Variants in CD6 observed in about 807,000 individuals in gnomAD.
The protein encoded by CD6 is CD6 molecule.
Under a neutral mutation model 75.3 loss-of-function variants are expected in CD6, and 53 were observed. That is an observed-to-expected ratio of 0.70 (90% CI 0.56 to 0.88). The LOEUF is 0.88. Among genes scored for constraint, CD6 ranks in the 40% least tolerant of loss-of-function variants. The probability of loss-of-function intolerance (pLI) is 0.00; values close to 1 mark genes in which losing one functional copy is unlikely to be tolerated. For missense variants in CD6, 770 were observed against 897.1 expected, an observed-to-expected ratio of 0.86 and a Z score of 1.81; for synonymous variants, 359 against 381.5, an observed-to-expected ratio of 0.94 and a Z score of 0.69.
chr11:60,982,964 G>T lies in CD6; in HGVS notation c.49+11050G>T, dbSNP rs111496204. 9.9e-3 allele frequency among the ~76,000 whole-genome samples: 1,499 copies of T among 151,994 alleles called. 29 individuals carry two copies. The highest frequency in any genetic ancestry group is 0.034 in the African/African-American group (1,419 of 41,442). On this transcript the variant is annotated intron_variant, in intron 1 of 12. Transcript: ENST00000313421. ...ATGCGGGGGACTGCTATGGCCCAGT[G>T]TGGCCTGACATGGTCTGACATGAAC...
rs1590717925 is a variant in CD6 at position 61,009,692 on chromosome 11, T to C, written c.902T>C (p.Val301Ala). 1 of 1,613,932 alleles carries C rather than the reference T, an allele frequency of 6.2e-7. No individual in the cohort carries two copies. Among genetic ancestry groups the C allele is most frequent in the Non-Finnish European group, 8.5e-7 (1 of 1,180,018 alleles). ...GAGTGGTACCCATCGGAGGCCAAGG[T>C]GCTCTGCCAGTCCTTGGGCTGTGGA... ...DSEWYPSEAK[V>A]LCQSLGCGTA... The change falls in exon 5 of 13, where the codon GTG (valine) becomes GCG (alanine). Residue 301 changes from valine (V) to alanine (A), a missense_variant. Coordinates refer to ENST00000313421, the MANE Select transcript of CD6 (RefSeq NM_006725.5).
intron 1 of CD6, among the ~76,000 whole-genome samples, chr11:61,001,105 T>C (rs1397825241): frequency 6.6e-6 from 1 of 152,160 alleles, no homozygotes; most frequent in Non-Finnish European, 1.5e-5. Context: ...TAAATAACAC[T>C]GAATCATGTG....
chr11:60,997,061 A>G (rs140997087), intron 1 of CD6, among the ~76,000 whole-genome samples: 2 of 152,158 alleles, frequency 1.3e-5, no homozygotes, highest in Admixed American at 6.5e-5. Context: ...TCTGATGTCA[A>G]TATGTGAGTC....
Position 61,013,943 on chromosome 11 carries a change from A to G in CD6, c.1316A>G (p.Gln439Arg). The change falls in exon 8 of 13, where the codon CAG becomes CGG. Residue 439 changes from glutamine to arginine, a missense_variant. Physicochemically the swap from Gln to Arg is conservative, Grantham distance 43. Transcript: ENST00000313421. Reference protein sequence around the residue: ...KYALPVMVNHQHLPTTIPAGS... With the variant: ...KYALPVMVNHRHLPTTIPAGS... ...GCCCTCCCCGTAATGGTGAACCACCAGCACCTACCCACCACCATCCCGGCA... is the reference window on the plus strand; with the variant it reads ...GCCCTCCCCGTAATGGTGAACCACCGGCACCTACCCACCACCATCCCGGCA... 6.2e-7 allele frequency: 1 copy of G among 1,613,384 alleles called. No individual in the cohort carries two copies. The highest frequency in any genetic ancestry group is 1.1e-5 in the South Asian group (1 of 90,944).
chr11:61,008,386 T>G lies in CD6; in HGVS notation c.470-148T>G, dbSNP rs907147215. ...GCTCTACCTAACCCATCTGCAGTCC[T>G]GGGGGGATTCCCAGTCTTGCCTACC... On this transcript the variant is annotated intron_variant, in intron 3 of 12. Transcript: ENST00000313421. 21 of 763,266 alleles carry G rather than the reference T, an allele frequency of 2.8e-5. No individual in the cohort carries two copies. In the East Asian group the frequency reaches 5.7e-4, roughly 21 times the overall value. 47.3% of individuals were successfully genotyped at this position (763,266 alleles called of 1,614,324 possible).
chr11:60,981,732 C>G (rs573386322), intron 1 of CD6, among the ~76,000 whole-genome samples: 1 of 152,316 alleles, frequency 6.6e-6, no homozygotes, highest in East Asian at 1.9e-4. Flanking sequence ...CAGGTTCCCA[C>G]CCTCCATTTT....
At position 61,019,732 on chromosome 11, in the gene CD6, T is replaced by C. The variant is rs747984919; in HGVS notation, c.*414T>C. On this transcript the variant is annotated 3_prime_UTR_variant, in exon 13 of 13. Coordinates refer to ENST00000313421, the MANE Select transcript of CD6 (RefSeq NM_006725.5). ...CTGACACTTCAGGGCCCAGAGGTCC[T>C]GCGAGGGGCAGAACTGGACCCCCAT... 1 of 175,652 alleles carries C rather than the reference T, an allele frequency of 5.7e-6. No homozygotes were observed. The highest frequency in any genetic ancestry group is 1.2e-5 in the Non-Finnish European group (1 of 83,756). The allele number at this position is 175,652 out of a possible 1,614,324, so 10.9% of individuals were successfully genotyped here.
chr11:60,977,487 C>T (rs904968444), intron 1 of CD6, among the ~76,000 whole-genome samples: 13 of 152,330 alleles, frequency 8.5e-5, no homozygotes, highest in African/African-American at 3.1e-4. Flanking sequence ...ATCCTGTCCT[C>T]GGCACTGGCC....
Position 61,018,011 on chromosome 11 carries a change from C to T in CD6, c.1835C>T (p.Ser612Leu). The T allele has an allele frequency of 6.2e-7, 1 of 1,610,668 alleles. No homozygotes were observed. The highest frequency in any genetic ancestry group is 8.5e-7 in the Non-Finnish European group (1 of 1,179,614). Residue 612 changes from serine (S) to leucine (L), a missense_variant and splice_region_variant, in exon 11 of 13, where the codon TCA (serine) becomes TTA (leucine). Ser to Leu is a moderately radical substitution (Grantham distance 145, BLOSUM62 -2). Coordinates refer to ENST00000313421, the MANE Select transcript of CD6 (RefSeq NM_006725.5). ...CTGGCCGGCACCCAGCCAGCCTTTT[C>T]AGGTAAGCTGTGCCTCCCCCAAACC... ...LELAGTQPAFSAGPPADDSSS... is the reference protein window; with the variant it reads ...LELAGTQPAFLAGPPADDSSS...
intron 1 of CD6, chr11:60,989,312 GA>G (rs1458395557): frequency 6.6e-6 from 1 of 152,236 alleles, no homozygotes; most frequent in Non-Finnish European, 1.5e-5. Flanking sequence ...CAGCACAGAG[GA>G]AGCACTCGGC....
chr11:60,971,824 C>T lies in CD6; in HGVS notation c.-42C>T. ...ACCTCCCGGCCCCAAGATGGTGCTT[C>T]CCACAGGCAGCCACGCGTAGCAGCC... is the stretch of plus-strand genomic sequence containing the variant. On this transcript the variant is annotated 5_prime_UTR_variant, in exon 1 of 13. Transcript: ENST00000313421. 2 of 1,607,460 alleles carry T rather than the reference C, an allele frequency of 1.2e-6. No individual in the cohort carries two copies. The highest frequency in any genetic ancestry group is 1.7e-6 in the Non-Finnish European group (2 of 1,176,424).
At position 61,015,850 on chromosome 11, in the gene CD6, G is replaced by A. The variant is rs746592554; in HGVS notation, c.1510+15G>A. 114 of 1,613,094 alleles carry A rather than the reference G, an allele frequency of 7.1e-5. 1 individual carries two copies. The highest frequency in any genetic ancestry group is 2.0e-4 in the South Asian group (18 of 91,058). ...CACCTTCTACAGTGAGTGCCTGGCC[G>A]GGCTCCCGAGGGCCCACCTACCTGA... On this transcript the variant is annotated intron_variant, in intron 9 of 12. Coordinates refer to ENST00000313421, the MANE Select transcript of CD6 (RefSeq NM_006725.5).
chr11:60,986,750 C>T lies in CD6; in HGVS notation c.49+14836C>T, dbSNP rs143905000. Among the ~76,000 whole-genome samples, 966 of 152,290 alleles carry T rather than the reference C, an allele frequency of 6.3e-3. 6 individuals carry two copies. The highest frequency in any genetic ancestry group is 0.047 in the South Asian group (226 of 4,822). ...CTCTTCTCAGCTCCCACCTTCTGCCCCGGAGGCAGCTTTTGTTGCAGGTAC... is the reference window on the plus strand; with the variant it reads ...CTCTTCTCAGCTCCCACCTTCTGCCTCGGAGGCAGCTTTTGTTGCAGGTAC... On this transcript the variant is annotated intron_variant, in intron 1 of 12. Transcript: ENST00000313421.
intron 1 of CD6, among the ~76,000 whole-genome samples, chr11:60,985,991 T>G (rs759447653): frequency 1.3e-5 from 2 of 152,130 alleles, no homozygotes; most frequent in Non-Finnish European, 2.9e-5. Context: ...TGCTAACTGG[T>G]GGAAGGATTT....
intron 8 of CD6, 68 bp downstream of exon 8, chr11:61,014,082 T>G: frequency 8.5e-7 from 1 of 1,176,286 alleles, no homozygotes; most frequent in Non-Finnish European, 1.2e-6. Context: ...TTCTGGAAGG[T>G]CAGCACCACT....
chr11:60,986,602 T>C (rs1256508980), intron 1 of CD6, among the ~76,000 whole-genome samples: 4 of 152,174 alleles, frequency 2.6e-5, no homozygotes, highest in African/African-American at 9.7e-5. Flanking sequence ...GAAATTCAGT[T>C]CCGAGAAACA....
intron 1 of CD6, among the ~76,000 whole-genome samples, chr11:60,986,548 A>G (rs1464902183): frequency 2.0e-5 from 3 of 152,238 alleles, no homozygotes; most frequent in Non-Finnish European, 4.4e-5. Context: ...AGTCACCTGC[A>G]TCTGTGGGGG....
intron 1 of CD6, among the ~76,000 whole-genome samples, chr11:60,978,793 C>T (rs1857459717): frequency 6.6e-6 from 1 of 152,184 alleles, no homozygotes; most frequent in African/African-American, 2.4e-5. Context: ...CTCTGCATGG[C>T]CCCAGGGTGG....
At chr11:61,016,427 C>T (rs964843343) in intron 9 of CD6, among the ~76,000 whole-genome samples, 12 of 152,232 alleles carry the variant, frequency 7.9e-5, no homozygotes, top group Non-Finnish European at 1.8e-4. Context: ...GTCAAAAATT[C>T]CTGAGCCCCT....
Sources: allele counts gnomAD v4.1 joint callset (sites outside exome capture counted in the v4.1 genomes callset), GRCh38; gene constraint gnomAD v4.1.1; transcripts MANE v1.5; gene names NCBI Gene and HGNC (gene_info 2026-07-23, HGNC 2026-07-21).